TET3: variants seen among roughly 807,000 people sequenced by gnomAD.
TET3 encodes the protein methylcytosine dioxygenase TET3.
In TET3, 19 loss-of-function variants were observed where a neutral mutation model predicts 141.4. The observed-to-expected ratio is 0.13, with a 90% confidence interval of 0.09 to 0.20. The LOEUF is 0.20. TET3 is among the 10% of genes least tolerant of loss of function. The pLI is 1.00. For synonymous variants in TET3, 1,043 were observed against 980.9 expected (o/e 1.06, Z -1.18); for missense variants, 1,874 against 2,356.9 (o/e 0.80, Z 4.24).
intron 10 of TET3, among the ~76,000 whole-genome samples, chr2:74,098,807 T>C (rs1405296532): frequency 6.6e-6 from 1 of 152,194 alleles, no homozygotes; most frequent in Non-Finnish European, 1.5e-5. Flanking sequence ...TTGATCAGGC[T>C]AGTCTCGACC....
intron 4 of TET3, among the ~76,000 whole-genome samples, chr2:74,056,926 C>G (rs1688251878): frequency 6.6e-6 from 1 of 152,178 alleles, no homozygotes; most frequent in Non-Finnish European, 1.5e-5. Context: ...GACCCCACAA[C>G]TTGGAGAAAT....
intron 4 of TET3, among the ~76,000 whole-genome samples, chr2:74,048,946 TA>T (rs1376313527): frequency 2.0e-5 from 3 of 152,162 alleles, no homozygotes; most frequent in Non-Finnish European, 4.4e-5. Flanking sequence ...ACCCCATAGG[TA>T]ATAGTGAGCT....
chr2:74,003,424 G>GTTTTTTTTTTTTTTTTTT (rs768499958), intron 3 of TET3, among the ~76,000 whole-genome samples: 1 of 130,172 alleles, frequency 7.7e-6, no homozygotes. Context: ...TTGTTGAACT[G>GTTTTTTTTTTTTTTTTTT]TTTTTTTTTT....
intron 3 of TET3, among the ~76,000 whole-genome samples, chr2:74,036,385 C>T (rs1265852654): frequency 6.6e-6 from 1 of 152,128 alleles, no homozygotes; most frequent in East Asian, 1.9e-4. Context: ...ATTCCCTTTT[C>T]ATGAAGAAGA....
At chr2:74,113,750 G>A in the TET3 span, among the ~76,000 whole-genome samples, 18 of 152,000 alleles carry the variant, frequency 1.2e-4, no homozygotes, top group Non-Finnish European at 1.9e-4. Context: ...AACCAAGGAG[G>A]TGAAAGATGT....
intron 2 of TET3, among the ~76,000 whole-genome samples, chr2:74,001,952 T>C (rs1378036508): frequency 6.6e-6 from 1 of 151,956 alleles, no homozygotes; most frequent in Non-Finnish European, 1.5e-5. Flanking sequence ...GGGTATGTTC[T>C]GGCGGGGCTG....
In TET3 at chr2:74,035,201, C is replaced by CA. The variant is rs35642768; in HGVS notation, c.361-11057dup. 7.0e-3 allele frequency among the ~76,000 whole-genome samples: 458 copies of CA among 65,426 alleles called. 9 individuals carry two copies. Among genetic ancestry groups the CA allele is most frequent in the African/African-American group, 0.022 (358 of 16,460 alleles). 42.9% of individuals were successfully genotyped at this position (65,426 alleles called of 152,430 possible). A position where few individuals can be genotyped will look rare whatever the true frequency, so the allele number is the denominator to read the frequency against. On this transcript the variant is annotated intron_variant, in intron 3 of 11. Transcript: ENST00000409262. Reference sequence around the variant, plus strand: ...TGGGCAACAGAGTGAGACTCCGTCTCAAAAAAAAAAAAAAAAAAAAGTTAT... The same window carrying CA: ...TGGGCAACAGAGTGAGACTCCGTCTCAAAAAAAAAAAAAAAAAAAAAGTTAT...
chr2:74,011,227 C>CAAAAAAA (rs34155044), intron 3 of TET3, among the ~76,000 whole-genome samples: 2 of 94,382 alleles, frequency 2.1e-5, no homozygotes, highest in African/African-American at 3.7e-5. Context: ...GACTCCGTTT[C>CAAAAAAA]AAAAAAAAAA....
intron 3 of TET3, among the ~76,000 whole-genome samples, chr2:74,008,461 A>C (rs533916927): frequency 1.2e-4 from 19 of 152,338 alleles, no homozygotes; most frequent in African/African-American, 4.3e-4. Context: ...GGACCCTGCA[A>C]GAGACTAAAG....
At chr2:74,129,166 G>T in the TET3 span, among the ~76,000 whole-genome samples, 2 of 150,008 alleles carry the variant, frequency 1.3e-5, no homozygotes, top group African/African-American at 4.9e-5. Flanking sequence ...AAACTTAGCT[G>T]GGCATGGTGG....
chr2:74,061,826 G>T (rs1389141532), intron 4 of TET3, among the ~76,000 whole-genome samples: 1 of 127,416 alleles, frequency 7.8e-6, no homozygotes, highest in Admixed American at 7.6e-5. Context: ...GACGATGGGC[G>T]GCCGGGCAGA....
rs751704175 is a variant in TET3 at position 74,010,568 on chromosome 2, G to T, written c.360+7402G>T. Among the ~76,000 whole-genome samples the T allele has an allele frequency of 1.1e-4, 16 of 152,190 alleles. 1 individual carries two copies. The highest frequency in any genetic ancestry group is 2.1e-4 in the Non-Finnish European group (14 of 68,042). ...CTGAGTAGATTTCAGAAAAGAAACT[G>T]TCAATGCCTGGCCCCAGCCCCTGAG... On this transcript the variant is annotated intron_variant, in intron 3 of 11. Transcript: ENST00000409262.
At chr2:74,023,260 G>A (rs1686151370) in intron 3 of TET3, among the ~76,000 whole-genome samples, 1 of 152,056 alleles carries the variant, frequency 6.6e-6, no homozygotes, top group Admixed American at 6.5e-5. Flanking sequence ...TTAATTTCGA[G>A]ACAAGGTCTT....
intron 2 of TET3, among the ~76,000 whole-genome samples, chr2:73,999,394 A>T (rs1349449175): frequency 6.6e-6 from 1 of 152,206 alleles, no homozygotes; most frequent in Non-Finnish European, 1.5e-5. Context: ...AAAAAGATAC[A>T]GTATATCATG....
rs1215975211 is a variant in TET3 at position 74,102,111 on chromosome 2, T to G, written c.5323T>G (p.Ser1775Ala). 6.7e-7 allele frequency: 1 copy of G among 1,493,462 alleles called. No homozygotes were observed. The highest frequency in any genetic ancestry group is 8.9e-7 in the Non-Finnish European group (1 of 1,122,448). 92.5% of individuals were successfully genotyped at this position (1,493,462 alleles called of 1,614,324 possible). ...TRQALAVPTD[S>A]AVTVSSYAYT... ...GCAGGCACTGGCTGTGCCCACAGAC[T>G]CGGCGGTCACCGTGTCCTCCTATGC... Residue 1775 changes from serine (S) to alanine (A), a missense_variant, in exon 12 of 12, where the codon TCG becomes GCG. Transcript: ENST00000409262.
chr2:74,097,024 T>C (rs1214463597), intron 10 of TET3, among the ~76,000 whole-genome samples: 2 of 150,520 alleles, frequency 1.3e-5, no homozygotes, highest in African/African-American at 4.9e-5. Flanking sequence ...GCCCAGGAGG[T>C]TGAGACTGCA....
At position 74,100,878 on chromosome 2, in the gene TET3, C is replaced by T. The variant is rs1691163236; in HGVS notation, c.4090C>T (p.Pro1364Ser). The change falls in exon 12 of 12, where the codon CCC (proline) becomes TCC (serine). Residue 1364 changes from proline to serine, a missense_variant. By Grantham distance (74) the Pro-to-Ser change is moderately conservative (BLOSUM62 -1). Transcript: ENST00000409262. ...CCACCAGCAGCCTGCGTACCCAGGC[C>T]CCAAGGAGTATCTGCTTCCCAAGGC... ...PHHQQPAYPG[P>S]KEYLLPKAPL... 6.2e-7 allele frequency: 1 copy of T among 1,610,892 alleles called. No homozygotes were observed.
chr2:74,043,907 C>T (rs552987476), intron 3 of TET3, among the ~76,000 whole-genome samples: 1 of 152,276 alleles, frequency 6.6e-6, no homozygotes, highest in East Asian at 1.9e-4. Flanking sequence ...CACCTATAAT[C>T]CCAACACTTT....
At position 74,048,361 on chromosome 2, in the gene TET3, A is replaced by G. The variant is rs1197944113; in HGVS notation, c.2444A>G (p.Asp815Gly). Reference protein sequence around the residue: ...YLDTPTKSLLDTPAKRAQAEF... With the variant: ...YLDTPTKSLLGTPAKRAQAEF... ...GACACACCCACCAAGAGTCTGCTGG[A>G]CACACCTGCCAAGAGAGCCCAGGCC... The change falls in exon 4 of 12, where the codon GAC (aspartate) becomes GGC (glycine). Residue 815 changes from aspartate (D) to glycine (G), a missense_variant. Physicochemically the swap from Asp to Gly is moderately conservative, Grantham distance 94. Coordinates refer to ENST00000409262, the MANE Select transcript of TET3 (RefSeq NM_001287491.2). The G allele has an allele frequency of 1.9e-6, 3 of 1,613,446 alleles. No homozygotes were observed. Among genetic ancestry groups the G allele is most frequent in the Non-Finnish European group, 2.5e-6 (3 of 1,179,762 alleles).
Sources: allele counts gnomAD v4.1 joint callset (sites outside exome capture counted in the v4.1 genomes callset), GRCh38; gene constraint gnomAD v4.1.1; transcripts MANE v1.5; gene names NCBI Gene and HGNC (gene_info 2026-07-23, HGNC 2026-07-21).